The following PLEKHH2 variants were observed in gnomAD, a reference collection of about 807,000 sequenced individuals.
PLEKHH2 encodes pleckstrin homology, MyTH4 and FERM domain containing H2.
PLEKHH2 carries 129 observed loss-of-function variants against 187.9 expected under a neutral mutation model. The observed-to-expected ratio is 0.69, with a 90% CI of 0.59 to 0.79. PLEKHH2 has a LOEUF of 0.79. Among genes scored for constraint, PLEKHH2 ranks in the 30% least tolerant of loss-of-function variants. The pLI, the probability that PLEKHH2 is intolerant of heterozygous loss-of-function variation, is 0.00. For synonymous variants in PLEKHH2, 686 were observed against 605.6 expected (o/e 1.13, Z -1.95); for missense variants, 2,076 against 1,751.2 (o/e 1.19, Z -3.31).
At position 43,757,231 on chromosome 2, in the gene PLEKHH2, G is replaced by C. The variant is rs149390119; in HGVS notation, c.3908G>C (p.Arg1303Thr). 4.4e-6 allele frequency: 7 copies of C among 1,595,038 alleles called. No individual in the cohort carries two copies. The African/African-American group carries it at 9.5e-5, about 22-fold the overall frequency. ...KQVIEKFYPK[R>T]YRDGCSEEQL... Reference sequence around the variant, plus strand: ...GTCATAGAGAAATTTTATCCTAAAAGGTATAGAGATGGCTGTTCTGAAGAG... The same window carrying C: ...GTCATAGAGAAATTTTATCCTAAAACGTATAGAGATGGCTGTTCTGAAGAG... Residue 1303 changes from arginine (R) to threonine (T), a missense_variant, in exon 26 of 30, where the codon AGG (arginine) becomes ACG (threonine). Transcript: ENST00000282406.
chr2:43,667,159 G>A (rs542073609), intron 2 of PLEKHH2, among the ~76,000 whole-genome samples: 1 of 151,846 alleles, frequency 6.6e-6, no homozygotes, highest in East Asian at 1.9e-4. Flanking sequence ...GCAAGATAAT[G>A]GTTAAAGGAA....
intron 2 of PLEKHH2, among the ~76,000 whole-genome samples, chr2:43,646,630 T>C (rs1336531443): frequency 1.3e-5 from 2 of 152,192 alleles, no homozygotes; most frequent in South Asian, 2.1e-4. Context: ...TCTCAATGAG[T>C]GCCCATTTTA....
intron 14 of PLEKHH2, chr2:43,711,711 G>A (rs1375593395): frequency 1.5e-5 from 7 of 465,490 alleles, no homozygotes; most frequent in Non-Finnish European, 2.0e-5. Context: ...CTAACACGGT[G>A]AAACCCCGTC....
chr2:43,694,062 A>G (rs377235872), intron 4 of PLEKHH2, among the ~76,000 whole-genome samples: 87 of 150,826 alleles, frequency 5.8e-4, no homozygotes, highest in East Asian at 2.3e-3. Flanking sequence ...ATTTGAGGGG[A>G]AAAAAAAAGC....
At chr2:43,694,295 C>T (rs1481902611) in intron 4 of PLEKHH2, 136 bp from the exon 5 acceptor site, 2 of 1,026,186 alleles carry the variant, frequency 1.9e-6, no homozygotes, top group Non-Finnish European at 2.7e-6. Context: ...TTTTAAAAAC[C>T]TATTTGGTAA....
chr2:43,721,747 G>A (rs1670491053), intron 16 of PLEKHH2, among the ~76,000 whole-genome samples: 1 of 152,088 alleles, frequency 6.6e-6, no homozygotes, highest in Non-Finnish European at 1.5e-5. Flanking sequence ...TTAGCTGAGT[G>A]TGGTAGTGTG....
At chr2:43,726,510 G>T in intron 17 of PLEKHH2, 59 bp downstream of exon 17, 2 of 1,421,666 alleles carry the variant, frequency 1.4e-6, no homozygotes, top group South Asian at 1.3e-5. Flanking sequence ...TTCAGATATT[G>T]GTAATAATTA....
At chr2:43,730,626 T>G (rs554827149) in intron 18 of PLEKHH2, among the ~76,000 whole-genome samples, 1 of 152,270 alleles carries the variant, frequency 6.6e-6, no homozygotes, top group African/African-American at 2.4e-5. Context: ...CTCGAACTCC[T>G]GAGCTCAAGT....
intron 28 of PLEKHH2, among the ~76,000 whole-genome samples, chr2:43,763,476 G>A (rs1345222664): frequency 6.6e-6 from 1 of 151,934 alleles, no homozygotes; most frequent in African/African-American, 2.4e-5. Context: ...CTGAAGTGCG[G>A]TGGTGTGATC....
intron 11 of PLEKHH2, among the ~76,000 whole-genome samples, chr2:43,707,850 A>G (rs1389906429): frequency 3.3e-5 from 5 of 152,316 alleles, no homozygotes; most frequent in African/African-American, 1.2e-4. Context: ...GGCATTTGTG[A>G]AATAGACTTA....
intron 1 of PLEKHH2, among the ~76,000 whole-genome samples, chr2:43,641,025 T>G (rs1312413654): frequency 6.7e-6 from 1 of 149,688 alleles, no homozygotes; most frequent in South Asian, 2.1e-4. Context: ...ACTCATGAGC[T>G]CAGGCAGTCT....
At chr2:43,658,975 T>TTTC (rs1553330341) in intron 2 of PLEKHH2, 1 of 143,516 alleles carries the variant, frequency 7.0e-6, no homozygotes, top group African/African-American at 2.6e-5. Context: ...TTTTCTTTCT[T>TTTC]TTTTTTTTTT....
chr2:43,722,269 A>C (rs534489947), intron 16 of PLEKHH2, among the ~76,000 whole-genome samples: 1 of 152,044 alleles, frequency 6.6e-6, no homozygotes, highest in South Asian at 2.1e-4. Flanking sequence ...AAAAAAAAAA[A>C]AAATGTTAAT....
Position 43,707,513 on chromosome 2 carries a change from G to A in PLEKHH2, c.1934G>A (p.Ser645Asn). 3 of 1,614,144 alleles carry A rather than the reference G, an allele frequency of 1.9e-6. No individual in the cohort carries two copies. Among genetic ancestry groups the A allele is most frequent in the Non-Finnish European group, 2.5e-6 (3 of 1,180,004 alleles). Residue 645 changes from serine (S) to asparagine (N), a missense_variant, in exon 11 of 30, where the codon AGT becomes AAT. By Grantham distance (46) the Ser-to-Asn change is conservative. Transcript: ENST00000282406. ...RTSESDSRSRSGPGSPRAMKR... is the reference protein window; with the variant it reads ...RTSESDSRSRNGPGSPRAMKR... ...TCAGAGTCAGACTCACGCAGTAGGA[G>A]TGGGCCAGGCAGCCCCAGAGCCATG...
At chr2:43,755,870 G>T (rs748422463) in intron 25 of PLEKHH2, among the ~76,000 whole-genome samples, 4 of 152,154 alleles carry the variant, frequency 2.6e-5, no homozygotes, top group Non-Finnish European at 5.9e-5. Flanking sequence ...GACAAGAAGT[G>T]GAAACTGCTG....
intron 15 of PLEKHH2, among the ~76,000 whole-genome samples, chr2:43,717,646 T>A (rs13416669): frequency 0.61 from 92,987 of 151,968 alleles, 29,777 homozygotes; most frequent in African/African-American, 0.78. Context: ...GAGAGCAAGG[T>A]TGTGGAGACA....
intron 2 of PLEKHH2, among the ~76,000 whole-genome samples, chr2:43,672,301 T>G (rs987906603): frequency 2.6e-5 from 4 of 152,240 alleles, no homozygotes; most frequent in African/African-American, 9.6e-5. Context: ...GAGCTATCAA[T>G]TGTATTGATA....
intron 3 of PLEKHH2, among the ~76,000 whole-genome samples, chr2:43,685,958 C>T (rs1668483233): frequency 6.6e-6 from 1 of 152,090 alleles, no homozygotes; most frequent in South Asian, 2.1e-4. Context: ...TAGATTATTC[C>T]CCTATAAAAG....
chr2:43,733,362 C>CAAA (rs60417054), intron 19 of PLEKHH2, among the ~76,000 whole-genome samples: 2 of 105,424 alleles, frequency 1.9e-5, no homozygotes, highest in African/African-American at 6.3e-5. Flanking sequence ...GACTCCATCT[C>CAAA]AAAAAAAAAA....
Sources: allele counts gnomAD v4.1 joint callset (sites outside exome capture counted in the v4.1 genomes callset), GRCh38; gene constraint gnomAD v4.1.1; transcripts MANE v1.5; gene names NCBI Gene and HGNC (gene_info 2026-07-23, HGNC 2026-07-21).